Variants in TMEM163 observed in about 807,000 individuals in gnomAD.
TMEM163 encodes transmembrane protein 163.
In TMEM163, 17 loss-of-function variants were observed where a neutral mutation model predicts 29.3. That is an observed-to-expected ratio of 0.58 (90% CI 0.40 to 0.87). TMEM163 has a LOEUF of 0.87. Ranked by LOEUF, TMEM163 falls within the 40% of genes least tolerant of loss-of-function variation. The pLI, the probability that TMEM163 is intolerant of heterozygous loss-of-function variation, is 0.00. For missense variants in TMEM163, 303 were observed against 381.5 expected (o/e 0.79, Z 1.71); for synonymous variants, 157 against 160.6 (o/e 0.98, Z 0.17).
intron 5 of TMEM163, among the ~76,000 whole-genome samples, chr2:134,490,309 A>G (rs939643437): frequency 2.0e-5 from 3 of 152,088 alleles, no homozygotes; most frequent in Admixed American, 2.0e-4. Context: ...AGTGTCAAGG[A>G]CCACAGCACT....
intron 2 of TMEM163, among the ~76,000 whole-genome samples, chr2:134,631,139 C>T (rs931226599): frequency 4.6e-5 from 7 of 152,094 alleles, no homozygotes; most frequent in Admixed American, 2.0e-4. Context: ...AAAAGGAAAA[C>T]GCAGGCTCAA....
intron 2 of TMEM163, among the ~76,000 whole-genome samples, chr2:134,619,310 G>T (rs1220771988): frequency 6.6e-6 from 1 of 152,154 alleles, no homozygotes; most frequent in African/African-American, 2.4e-5. Flanking sequence ...TCACAAGAAA[G>T]GTGAAACCAA....
chr2:134,579,958 TA>T (rs561914849), intron 2 of TMEM163, among the ~76,000 whole-genome samples: 168 of 152,106 alleles, frequency 1.1e-3, no homozygotes, highest in African/African-American at 3.9e-3. Context: ...ACCTAGTCTT[TA>T]AAAAAATAAA....
intron 1 of TMEM163, among the ~76,000 whole-genome samples, chr2:134,714,011 G>C (rs1195044162): frequency 6.6e-6 from 1 of 152,134 alleles, no homozygotes; most frequent in East Asian, 1.9e-4. Context: ...ACTAAAACTA[G>C]AGGTAGCTTC....
intron 2 of TMEM163, 64 bp downstream of exon 2, chr2:134,713,136 A>G (rs1312747972): frequency 1.3e-6 from 2 of 1,575,792 alleles, no homozygotes; most frequent in African/African-American, 2.8e-5. Flanking sequence ...CACATCCCAC[A>G]GGAATTAGAG....
intron 5 of TMEM163, among the ~76,000 whole-genome samples, chr2:134,489,028 A>G (rs1268142093): frequency 1.3e-5 from 2 of 152,164 alleles, no homozygotes; most frequent in Admixed American, 1.3e-4. Context: ...GGCACTTGGG[A>G]AGATCTATAA....
intron 1 of TMEM163, among the ~76,000 whole-genome samples, chr2:134,717,827 C>T (rs1234404978): frequency 1.3e-5 from 2 of 152,134 alleles, no homozygotes; most frequent in African/African-American, 4.8e-5. Context: ...ACAGGGCTCC[C>T]TCTGCAAAGA....
At position 134,702,616 on chromosome 2, in the gene TMEM163, G is replaced by C. The variant is rs185559150; in HGVS notation, c.322+10584C>G. On this transcript the variant is annotated intron_variant, in intron 2 of 7. Coordinates refer to ENST00000281924, the MANE Select transcript of TMEM163 (RefSeq NM_030923.5). ...GCTGTGATTGTGCCACTGCACTCCA[G>C]CCTGGGTGGCAGAGAGAGATCCTGT... Among the ~76,000 whole-genome samples the C allele has an allele frequency of 2.7e-3, 412 of 152,184 alleles. 5 individuals carry two copies. The highest frequency in any genetic ancestry group is 9.2e-3 in the African/African-American group (383 of 41,508).
intron 2 of TMEM163, among the ~76,000 whole-genome samples, chr2:134,581,362 C>T (rs1252262417): frequency 1.3e-5 from 2 of 152,152 alleles, no homozygotes; most frequent in Non-Finnish European, 2.9e-5. Flanking sequence ...TTCACATCTT[C>T]TTCATAAGTG....
At chr2:134,631,441 A>T (rs1177501261) in intron 2 of TMEM163, among the ~76,000 whole-genome samples, 7 of 152,172 alleles carry the variant, frequency 4.6e-5, no homozygotes, top group African/African-American at 1.7e-4. Flanking sequence ...TTGGCCTAGT[A>T]GCACACTAAC....
chr2:134,678,400 C>G (rs1294837955), intron 2 of TMEM163, among the ~76,000 whole-genome samples: 1 of 152,228 alleles, frequency 6.6e-6, no homozygotes, highest in African/African-American at 2.4e-5. Flanking sequence ...CATTGGCTGC[C>G]TTTTCAGACT....
At chr2:134,621,784 G>A (rs1039143110) in intron 2 of TMEM163, among the ~76,000 whole-genome samples, 7 of 152,178 alleles carry the variant, frequency 4.6e-5, no homozygotes, top group East Asian at 1.9e-4. Context: ...CCAGCTACTC[G>A]GGAGGCTGAG....
chr2:134,538,919 G>A (rs911757551), intron 4 of TMEM163, among the ~76,000 whole-genome samples: 3 of 152,110 alleles, frequency 2.0e-5, no homozygotes, highest in Admixed American at 1.3e-4. Context: ...CTGTGGTGAT[G>A]GAGGCACAAC....
At chr2:134,559,046 C>T (rs1307809891) in intron 2 of TMEM163, among the ~76,000 whole-genome samples, 1 of 152,154 alleles carries the variant, frequency 6.6e-6, no homozygotes, top group African/African-American at 2.4e-5. Flanking sequence ...CCTCTGCTGC[C>T]TAACAAGAAA....
chr2:134,561,265 G>C (rs1182186771), intron 2 of TMEM163, among the ~76,000 whole-genome samples: 1 of 152,188 alleles, frequency 6.6e-6, no homozygotes, highest in African/African-American at 2.4e-5. Flanking sequence ...GCGCAGTGAC[G>C]CCATCTTGGC....
At chr2:134,517,766 T>G (rs977798344) in intron 4 of TMEM163, among the ~76,000 whole-genome samples, 1 of 152,228 alleles carries the variant, frequency 6.6e-6, no homozygotes, top group African/African-American at 2.4e-5. Context: ...TCTGGCTTAT[T>G]AAAGATTTTT....
At chr2:134,536,608 G>A (rs913472129) in intron 4 of TMEM163, among the ~76,000 whole-genome samples, 2 of 152,094 alleles carry the variant, frequency 1.3e-5, no homozygotes, top group African/African-American at 4.8e-5. Flanking sequence ...ACCTCCATCT[G>A]CCACCTATAA....
rs560330291 is a variant in TMEM163 at position 134,495,501 on chromosome 2, C to G, written c.555+7400G>C. Among the ~76,000 whole-genome samples, 4 of 152,318 alleles carry G rather than the reference C, an allele frequency of 2.6e-5. No homozygotes were observed. In the East Asian group the frequency reaches 7.7e-4, roughly 29 times the overall value. ...CAATCACTCCTGACACCCCAAACTA[C>G]AGGTTGAACACTGAACATGGTGCAT... On this transcript the variant is annotated intron_variant, in intron 5 of 7. Transcript: ENST00000281924.
intron 2 of TMEM163, among the ~76,000 whole-genome samples, 156 bp downstream of exon 2, chr2:134,713,044 T>G (rs1459124562): frequency 6.6e-6 from 1 of 152,188 alleles, no homozygotes; most frequent in Non-Finnish European, 1.5e-5. Context: ...GAAGAAAGCC[T>G]TTTGACTAAT....
Sources: gnomAD v4.1 joint callset for allele counts (sites outside exome capture counted in the v4.1 genomes callset) on GRCh38, gnomAD v4.1.1 for gene constraint, MANE v1.5 for transcripts, NCBI Gene and HGNC (gene_info 2026-07-23, HGNC 2026-07-21) for gene names.